Variants in ALG8 observed in about 807,000 individuals in gnomAD.
ALG8 encodes the protein dolichyl pyrophosphate Glc1Man9GlcNAc2 alpha-1,3-glucosyltransferase.
Under a neutral mutation model 70.2 loss-of-function variants are expected in ALG8, and 48 were observed. The ratio of observed to expected loss-of-function variants is 0.68; its 90% CI spans 0.54 to 0.87. The LOEUF (loss-of-function observed/expected upper bound fraction) is 0.87, where lower values mean the gene tolerates loss of function less well. Ranked by LOEUF, ALG8 falls within the 40% of genes least tolerant of loss-of-function variation. The pLI is 0.00. For synonymous variants in ALG8, 234 were observed against 229.0 expected, an observed-to-expected ratio of 1.02 and a Z score of -0.20; for missense variants, 572 against 608.7, an observed-to-expected ratio of 0.94 and a Z score of 0.64.
intron 3 of ALG8, among the ~76,000 whole-genome samples, chr11:78,122,411 C>T (rs1033096406): frequency 6.6e-6 from 1 of 150,422 alleles, no homozygotes; most frequent in African/African-American, 2.5e-5. Context: ...GGCGTAATCA[C>T]AGCTCACTGC....
chr11:78,111,501 TAG>T (rs1860288629), intron 8 of ALG8, among the ~76,000 whole-genome samples: 1 of 152,230 alleles, frequency 6.6e-6, no homozygotes, highest in African/African-American at 2.4e-5. Context: ...CATCAGACTC[TAG>T]GTCTGGAGTC....
chr11:78,114,725 G>A (rs780430443), intron 5 of ALG8: 48 of 444,076 alleles, frequency 1.1e-4, no homozygotes, highest in Admixed American at 1.3e-4. Context: ...CAGCACTTTG[G>A]TAAGCCGACG....
intron 10 of ALG8, among the ~76,000 whole-genome samples, chr11:78,105,955 G>A (rs901682149): frequency 3.9e-5 from 6 of 152,072 alleles, no homozygotes; most frequent in East Asian, 1.9e-4. Flanking sequence ...GTGAACCACC[G>A]CTTCAGCCTC....
intron 10 of ALG8, among the ~76,000 whole-genome samples, chr11:78,105,717 T>C (rs1408707145): frequency 8.0e-6 from 1 of 124,540 alleles, no homozygotes; most frequent in East Asian, 2.3e-4. Flanking sequence ...TTTTTTTTTT[T>C]CTTTTTTTGA....
At chr11:78,125,976 G>C (rs1276272123) in intron 2 of ALG8, among the ~76,000 whole-genome samples, 1 of 151,572 alleles carries the variant, frequency 6.6e-6, no homozygotes, top group Non-Finnish European at 1.5e-5. Context: ...TGGCTAATAT[G>C]GTGAAACCCC....
chr11:78,133,150 T>A (rs1180379076), intron 1 of ALG8, among the ~76,000 whole-genome samples: 1 of 152,224 alleles, frequency 6.6e-6, no homozygotes, highest in Non-Finnish European at 1.5e-5. Context: ...TTCCTAATAC[T>A]TAATCCAAAT....
chr11:78,115,583 C>A (rs1291365581), intron 5 of ALG8, among the ~76,000 whole-genome samples: 1 of 151,980 alleles, frequency 6.6e-6, no homozygotes, highest in Non-Finnish European at 1.5e-5. Context: ...TGGGGTTTCA[C>A]CATGTTGGCC....
chr11:78,134,192 C>T (rs1482615728), intron 1 of ALG8, among the ~76,000 whole-genome samples: 1 of 150,322 alleles, frequency 6.7e-6, no homozygotes, highest in African/African-American at 2.5e-5. Context: ...GGCTGGAGTG[C>T]AATGGTGTGA....
intron 8 of ALG8, chr11:78,112,367 G>A: frequency 2.7e-6 from 1 of 367,958 alleles, no homozygotes; most frequent in Non-Finnish European, 5.2e-6. Flanking sequence ...TTTTAATTAA[G>A]GCAAAAATTA....
chr11:78,114,679 A>G, intron 5 of ALG8: 1 of 442,898 alleles, frequency 2.3e-6, no homozygotes, highest in Non-Finnish European at 4.2e-6. Flanking sequence ...AAAAAACTAA[A>G]ATTAGGCTAA....
intron 1 of ALG8, among the ~76,000 whole-genome samples, chr11:78,133,879 C>G (rs530518947): frequency 6.7e-6 from 1 of 148,942 alleles, no homozygotes; most frequent in African/African-American, 2.5e-5. Flanking sequence ...CCAGCCTGGG[C>G]GACAGAGCGA....
chr11:78,113,610 G>C (rs900989510), intron 7 of ALG8, among the ~76,000 whole-genome samples: 2 of 151,732 alleles, frequency 1.3e-5, no homozygotes, highest in African/African-American at 4.8e-5. Flanking sequence ...CTACTCAGGA[G>C]GCTGAGACAG....
chr11:78,133,762 C>T (rs1208818083), intron 1 of ALG8, among the ~76,000 whole-genome samples: 1 of 151,876 alleles, frequency 6.6e-6, no homozygotes, highest in South Asian at 2.1e-4. Flanking sequence ...ATTAGCCGGG[C>T]TTGGTGAGGG....
At chr11:78,127,565 A>T in intron 1 of ALG8, 129 bp from the exon 2 acceptor site, 5 of 790,160 alleles carry the variant, frequency 6.3e-6, no homozygotes, top group Non-Finnish European at 1.1e-5. Flanking sequence ...ATAGAGACAC[A>T]AATAGACATT....
At chr11:78,113,149 G>A (rs2136900552) in intron 7 of ALG8, among the ~76,000 whole-genome samples, 1 of 152,328 alleles carries the variant, frequency 6.6e-6, no homozygotes, top group South Asian at 2.1e-4. Flanking sequence ...AAATTAATTA[G>A]TTGATTTCAG....
At chr11:78,102,969 AT>A (rs1434654679) in intron 12 of ALG8, 3 of 148,576 alleles carry the variant, frequency 2.0e-5, no homozygotes, top group Non-Finnish European at 4.4e-5. Context: ...AAAAAAAAAA[AT>A]TATAGTTAAC....
chr11:78,139,462 C>G lies in ALG8; in HGVS notation c.95+32G>C, dbSNP rs967403251. 5.2e-6 allele frequency: 8 copies of G among 1,549,860 alleles called. No homozygotes were observed. The African/African-American group carries it at 9.6e-5, about 19-fold the overall frequency. The stretch of plus-strand genomic sequence containing the variant: ...CGCCCTGACCGACCGCGGGGCCTCC[C>G]CGCCCAGCCCCTGGCCGTGCGAGTC... On this transcript the variant is annotated intron_variant, in intron 1 of 12. Transcript: ENST00000299626.
chr11:78,125,088 A>C (rs1378227962), intron 2 of ALG8, among the ~76,000 whole-genome samples: 1 of 150,912 alleles, frequency 6.6e-6, no homozygotes, highest in African/African-American at 2.4e-5. Flanking sequence ...GCTGGAGTGC[A>C]GTGGCGCGAT....
chr11:78,103,678 A>G (rs1859898089), intron 12 of ALG8, among the ~76,000 whole-genome samples: 1 of 152,136 alleles, frequency 6.6e-6, no homozygotes, highest in Non-Finnish European at 1.5e-5. Flanking sequence ...AGTTTTTTCC[A>G]TATCTATCTG....
Sources: gnomAD v4.1 joint callset for allele counts (sites outside exome capture counted in the v4.1 genomes callset) on GRCh38, gnomAD v4.1.1 for gene constraint, MANE v1.5 for transcripts, NCBI Gene and HGNC (gene_info 2026-07-23, HGNC 2026-07-21) for gene names.